Variants in SMG1 observed in about 807,000 individuals in gnomAD.
SMG1 encodes the protein SMG1 nonsense mediated mRNA decay associated PI3K related kinase, also known as serine/threonine-protein kinase SMG1.
In SMG1, 22 loss-of-function variants were observed where a neutral mutation model predicts 419.9. That is an observed-to-expected ratio of 0.05 (90% CI 0.04 to 0.07). SMG1 has a LOEUF of 0.07. SMG1 is among the 10% of genes least tolerant of loss of function. The pLI is 1.00. For synonymous variants in SMG1, 1,538 were observed against 1,553.5 expected, an observed-to-expected ratio of 0.99 and a Z score of 0.23; for missense variants, 3,185 against 4,342.0, an observed-to-expected ratio of 0.73 and a Z score of 7.49.
chr16:18,841,916 CA>C, intron 40 of SMG1, 122 bp from the exon 41 acceptor site: 5 of 833,188 alleles, frequency 6.0e-6, no homozygotes, highest in Non-Finnish European at 9.8e-6. Flanking sequence ...ACACTGAGAG[CA>C]TTAAAGAATT....
chr16:18,815,683 T>C (rs1207663863), intron 58 of SMG1, 32 bp from the exon 59 acceptor site: 3 of 1,553,378 alleles, frequency 1.9e-6, no homozygotes, highest in African/African-American at 1.4e-5. Context: ...TTAAGAAAAA[T>C]AGTTTTAGTA....
chr16:18,856,505 T>A (rs1403496357), intron 29 of SMG1: 3 of 152,004 alleles, frequency 2.0e-5, no homozygotes, highest in Non-Finnish European at 4.4e-5. Context: ...CCCAGCTAAT[T>A]TTTTTGTATT....
rs369269151 is a variant in SMG1 at position 18,834,447 on chromosome 16, G to T, written c.8331-9C>A. On this transcript the variant is annotated splice_polypyrimidine_tract_variant and intron_variant, in intron 49 of 62. Coordinates refer to ENST00000446231, the MANE Select transcript of SMG1 (RefSeq NM_015092.5). ...CCATCATCAGGTTACGCCTACAAGAGATAAATATCTGTACAGTGAAACTTA... is the reference window on the plus strand; with the variant it reads ...CCATCATCAGGTTACGCCTACAAGATATAAATATCTGTACAGTGAAACTTA... 6.2e-6 allele frequency: 10 copies of T among 1,609,508 alleles called. No individual in the cohort carries two copies. The African/African-American group carries it at 1.3e-4, about 22-fold the overall frequency.
rs866545412 is a variant in SMG1 at position 18,819,803 on chromosome 16, G to A, written c.9742-149C>T. The A allele has an allele frequency of 6.5e-6, 5 of 769,746 alleles. No individual in the cohort carries two copies. In the South Asian group the frequency reaches 7.5e-5, roughly 11 times the overall value. The allele number at this position is 769,746 out of a possible 1,614,324, so 47.7% of individuals were successfully genotyped here. On this transcript the variant is annotated intron_variant, in intron 55 of 62. Coordinates refer to ENST00000446231, the MANE Select transcript of SMG1 (RefSeq NM_015092.5). ...CAAAAGTTTTAACAATCACCTTTTG[G>A]AATTAACCTTGATTTCACTTTGAAC...
chr16:18,853,603 C>T lies in SMG1; in HGVS notation c.4748G>A (p.Arg1583Gln), dbSNP rs763569664. The T allele has an allele frequency of 8.1e-5, 129 of 1,601,856 alleles. No individual in the cohort carries two copies. Among genetic ancestry groups the T allele is most frequent in the Non-Finnish European group, 1.0e-4 (120 of 1,173,178 alleles). ...TCTACCTGTAGATTCACTCTCGATC[C>T]GAGGATACTCTTCTTCCATCGTATT... ...SVNTMEEEYP[R>Q]IESESTVHIG... is the part of the protein sequence containing the mutation. Residue 1583 changes from arginine (R) to glutamine (Q), a missense_variant, in exon 31 of 63, where the codon CGG (arginine) becomes CAG (glutamine). Around this residue, in one of 27 missense-constraint regions of SMG1, gnomAD observed 493 missense variants for 552.9 expected, o/e 0.89. Coordinates refer to ENST00000446231, the MANE Select transcript of SMG1 (RefSeq NM_015092.5).
Position 18,829,347 on chromosome 16 carries a change from G to C in SMG1, c.9542C>G (p.Thr3181Ser). 1 of 1,613,992 alleles carries C rather than the reference G, an allele frequency of 6.2e-7. No homozygotes were observed. The highest frequency in any genetic ancestry group is 8.5e-7 in the Non-Finnish European group (1 of 1,179,886). The change falls in exon 54 of 63, where the codon ACC becomes AGC. Residue 3181 changes from threonine to serine, a missense_variant. Physicochemically the swap from Thr to Ser is moderately conservative, Grantham distance 58. Transcript: ENST00000446231. ...GCTTGTCTTACAAGAAGAAATACTG[G>C]TTTCTAGCCTTCGCACCAAGTCATG... ...KKHDLVRRLE[T>S]SISSCKTSLQ...
At chr16:18,836,882 G>A (rs2033613035) in intron 46 of SMG1, among the ~76,000 whole-genome samples, 2 of 152,220 alleles carry the variant, frequency 1.3e-5, no homozygotes, top group South Asian at 4.1e-4. Context: ...GGTTCTTTCA[G>A]TTAATCATCT....
In SMG1 at chr16:18,815,278, G is replaced by C. The variant is rs769642188; in HGVS notation, c.10518C>G (p.Ile3506Met). The change falls in exon 60 of 63, where the codon ATC becomes ATG. Residue 3506 changes from isoleucine to methionine, a missense_variant. By Grantham distance (10) the Ile-to-Met change is conservative. Around this residue, in one of 27 missense-constraint regions of SMG1, gnomAD observed 737 missense variants for 846.6 expected, o/e 0.87. Coordinates refer to ENST00000446231, the MANE Select transcript of SMG1 (RefSeq NM_015092.5). Reference sequence around the variant, plus strand: ...ATGCAAAACTCACTAAATTATTATAGATACTGAAATACAAAATAAAATGGC... The same window carrying C: ...ATGCAAAACTCACTAAATTATTATACATACTGAAATACAAAATAAAATGGC... ...LKELKTQSQS[I>M]YNNLVSFASP... 1.3e-6 allele frequency: 2 copies of C among 1,570,308 alleles called. No individual in the cohort carries two copies. Among genetic ancestry groups the C allele is most frequent in the African/African-American group, 2.7e-5 (2 of 73,646 alleles).
Position 18,819,728 on chromosome 16 carries a change from A to C in SMG1, c.9742-74T>G, listed in dbSNP as rs1165785596. 6 of 1,370,468 alleles carry C rather than the reference A, an allele frequency of 4.4e-6. No homozygotes were observed. In the East Asian group the frequency reaches 1.6e-4, roughly 36 times the overall value. The allele number at this position is 1,370,468 out of a possible 1,614,324, so 84.9% of individuals were successfully genotyped here. ...TCCTATTTGTGGAGTATTTTATATA[A>C]CACAATAAAGATTCAAAAGAACCAG... On this transcript the variant is annotated intron_variant, in intron 55 of 62. Coordinates refer to ENST00000446231, the MANE Select transcript of SMG1 (RefSeq NM_015092.5).
At chr16:18,837,898 T>C (rs1374708586) in intron 45 of SMG1, 116 bp downstream of exon 45, 2 of 1,010,646 alleles carry the variant, frequency 2.0e-6, no homozygotes, top group African/African-American at 1.6e-5. Flanking sequence ...CATTTCAATA[T>C]TATACATTAG....
intron 42 of SMG1, 32 bp downstream of exon 42, chr16:18,839,660 ATACTAC>A (rs769605561): frequency 4.4e-5 from 70 of 1,604,568 alleles, no homozygotes; most frequent in Non-Finnish European, 6.0e-5. Context: ...GGCAAAAGAA[ATACTAC>A]TACTGAGTAT....
rs779904018 is a variant in SMG1, at chr16:18,849,284, G to A, written c.5556C>T (p.Ser1852=). The change falls in exon 36 of 63, where the codon TCC becomes TCT. Residue 1852 remains serine, a synonymous_variant. Transcript: ENST00000446231. The part of the protein sequence containing the change: ...CNLLCRVAQD[S]PHLILYPAIV... ...TTGCAGGATACAATATGAGATGTGG[G>A]GAATCTTGAGCCACACGGCAGAGAA... The A allele has an allele frequency of 3.1e-6, 5 of 1,613,468 alleles. No individual in the cohort carries two copies. Among genetic ancestry groups the A allele is most frequent in the Non-Finnish European group, 4.2e-6 (5 of 1,179,684 alleles).
In SMG1 at chr16:18,829,466, C is replaced by T. The variant is rs762155156; in HGVS notation, c.9423G>A (p.Ala3141=). Reference sequence around the variant, plus strand: ...TCCCTATCTGGATGTTATGTTCCACCGCTTTCTTACAGAGATCATCAACAG... The same window carrying T: ...TCCCTATCTGGATGTTATGTTCCACTGCTTTCTTACAGAGATCATCAACAG... ...KVSVDDLCKK[A]VEHNIQIGKF... is the part of the protein sequence containing the mutation. Residue 3141 remains alanine, a synonymous_variant, in exon 54 of 63, where the codon GCG becomes GCA. Transcript: ENST00000446231. 37 of 1,613,868 alleles carry T rather than the reference C, an allele frequency of 2.3e-5. No homozygotes were observed. The highest frequency in any genetic ancestry group is 2.6e-5 in the Non-Finnish European group (31 of 1,179,902).
chr16:18,820,079 C>T (rs2032382112), intron 55 of SMG1, among the ~76,000 whole-genome samples: 1 of 152,178 alleles, frequency 6.6e-6, no homozygotes, highest in Non-Finnish European at 1.5e-5. Flanking sequence ...GATTCTCCTG[C>T]CTCAGCCTCC....
chr16:18,847,754 G>T, intron 37 of SMG1, 62 bp downstream of exon 37: 1 of 1,582,602 alleles, frequency 6.3e-7, no homozygotes, highest in Non-Finnish European at 8.6e-7. Context: ...AATACAGATT[G>T]GCAAAAGCAA....
intron 1 of SMG1, among the ~76,000 whole-genome samples, chr16:18,914,759 C>T (rs1245045925): frequency 5.9e-5 from 9 of 152,126 alleles, no homozygotes; most frequent in African/African-American, 2.2e-4. Context: ...GTGTGTTTCC[C>T]CAGGCATTCT....
intron 55 of SMG1, among the ~76,000 whole-genome samples, chr16:18,821,252 CTTTT>C (rs1201180176): frequency 1.1e-4 from 3 of 26,682 alleles, no homozygotes; most frequent in Non-Finnish European, 2.3e-4. Context: ...TTTTTTTTTT[CTTTT>C]TTTTTTTTTT....
At chr16:18,816,597 A>G (rs764475469) in intron 57 of SMG1, 68 bp from the exon 58 acceptor site, 327 of 1,318,230 alleles carry the variant, frequency 2.5e-4, no homozygotes, top group Non-Finnish European at 3.2e-4. Context: ...CTTCATTAAC[A>G]TCATCAAAAG....
At chr16:18,861,458 A>G (rs2035214168) in intron 25 of SMG1, 1 of 151,510 alleles carries the variant, frequency 6.6e-6, no homozygotes, top group Non-Finnish European at 1.5e-5. Flanking sequence ...CGGGCTCTCC[A>G]GCCAGGAAGA....
Sources: gnomAD v4.1 joint callset for allele counts (sites outside exome capture counted in the v4.1 genomes callset) on GRCh38, gnomAD v4.1.1 for gene constraint, gnomAD v4.1.1 regional missense constraint, MANE v1.5 for transcripts, NCBI Gene and HGNC (gene_info 2026-07-23, HGNC 2026-07-21) for gene names.